The following PCDHA4 variants were observed in gnomAD, a reference collection of about 807,000 sequenced individuals.
PCDHA4 encodes the protein protocadherin alpha-4.
In PCDHA4, 49 loss-of-function variants were observed where a neutral mutation model predicts 61.4. The observed-to-expected ratio is 0.80, with a 90% confidence interval of 0.63 to 1.01. The LOEUF (loss-of-function observed/expected upper bound fraction) is 1.01, where lower values mean the gene tolerates loss of function less well. Among genes scored for constraint, PCDHA4 ranks in the 50% least tolerant of loss-of-function variants. The pLI is 0.00. For synonymous variants in PCDHA4, 590 were observed against 550.3 expected (o/e 1.07, Z -1.01); for missense variants, 1,254 against 1,235.8 (o/e 1.01, Z -0.22).
chr5:140,937,219 T>C lies in PCDHA4; in HGVS notation c.2386-41730T>C, dbSNP rs555881657. Among the ~76,000 whole-genome samples the C allele has an allele frequency of 5.4e-3, 826 of 151,832 alleles. 4 individuals are homozygous for C. Among genetic ancestry groups the C allele is most frequent in the African/African-American group, 0.019 (796 of 41,458 alleles). ...TGCCCGGCTAATTTTTTGTATTTTT[T>C]GTAGAGACGGGGTTTCACCGTGTTA... On this transcript the variant is annotated intron_variant, in intron 1 of 3. Coordinates refer to ENST00000530339, the MANE Select transcript of PCDHA4 (RefSeq NM_018907.4).
intron 1 of PCDHA4, chr5:140,809,830 G>T: frequency 2.8e-6 from 1 of 354,946 alleles, no homozygotes; most frequent in Non-Finnish European, 5.0e-6. Context: ...CACCCTCTTT[G>T]TTTTTGGTAA....
intron 1 of PCDHA4, among the ~76,000 whole-genome samples, chr5:140,971,478 A>C (rs111781444): frequency 3.5e-4 from 53 of 152,260 alleles, no homozygotes; most frequent in African/African-American, 1.3e-3. Flanking sequence ...AGAGAGTGTC[A>C]CATTGTTACA....
intron 3 of PCDHA4, among the ~76,000 whole-genome samples, chr5:140,999,676 C>T: frequency 6.6e-6 from 1 of 152,086 alleles, no homozygotes; most frequent in East Asian, 1.9e-4. Flanking sequence ...GGGGGGCTCA[C>T]AGAAAGAAGA....
chr5:140,829,868 A>G, intron 1 of PCDHA4: 1 of 1,613,886 alleles, frequency 6.2e-7, no homozygotes, highest in East Asian at 2.2e-5. Context: ...AGTGGTGGCG[A>G]AGGTGCGCGC....
Position 140,807,870 on chromosome 5 carries a change from T to TA in PCDHA4, c.684dup (p.Leu229ThrfsTer9). 1 of 1,614,150 alleles carries TA rather than the reference T, an allele frequency of 6.2e-7. No individual in the cohort carries two copies. The highest frequency in any genetic ancestry group is 8.5e-7 in the Non-Finnish European group (1 of 1,179,978). On this transcript the variant is annotated frameshift_variant, in exon 1 of 4. Transcript: ENST00000530339. LOFTEE classifies it high-confidence loss of function. ...CCCGAGTTGACTGGCACCGTTCAGT[T>TA]ACTCATCACAGTACTGGATGCCAAT... is the stretch of plus-strand genomic sequence containing the variant.
At chr5:140,952,921 A>G (rs1385762046) in intron 1 of PCDHA4, among the ~76,000 whole-genome samples, 4 of 152,138 alleles carry the variant, frequency 2.6e-5, no homozygotes, top group African/African-American at 4.8e-5. Context: ...ACATGGCATG[A>G]GCAGGAGCAG....
chr5:140,857,788 G>GCTGC, intron 1 of PCDHA4: 1 of 1,597,732 alleles, frequency 6.3e-7, no homozygotes, highest in South Asian at 1.1e-5. Flanking sequence ...GTGAGCTGGT[G>GCTGC]CTGCGGTCGG....
At chr5:140,875,888 A>G (rs782107591) in intron 1 of PCDHA4, 3 of 1,614,076 alleles carry the variant, frequency 1.9e-6, no homozygotes, top group Non-Finnish European at 2.5e-6. Context: ...AGGGAACAAA[A>G]GGTACCTGTT....
chr5:140,974,884 T>A (rs1485443373), intron 1 of PCDHA4, among the ~76,000 whole-genome samples: 1 of 152,240 alleles, frequency 6.6e-6, no homozygotes, highest in Non-Finnish European at 1.5e-5. Context: ...TATGTATCCC[T>A]TTTCTGATGA....
At chr5:140,915,826 T>G (rs1432367192) in intron 1 of PCDHA4, among the ~76,000 whole-genome samples, 1 of 152,134 alleles carries the variant, frequency 6.6e-6, no homozygotes, top group Non-Finnish European at 1.5e-5. Context: ...GCCCTAGGGC[T>G]CTAAGATCAG....
intron 3 of PCDHA4, among the ~76,000 whole-genome samples, chr5:140,992,706 G>T (rs1554253120): frequency 1.3e-5 from 2 of 152,138 alleles, no homozygotes; most frequent in Admixed American, 1.3e-4. Context: ...TAATGTTCCT[G>T]CCAGTATTCG....
chr5:140,959,102 G>A (rs556528085), intron 1 of PCDHA4, among the ~76,000 whole-genome samples: 2 of 152,214 alleles, frequency 1.3e-5, no homozygotes, highest in South Asian at 4.2e-4. Flanking sequence ...ACATTCAGCA[G>A]GGGTCCGAAG....
chr5:140,851,081 A>G, intron 1 of PCDHA4: 1 of 1,303,802 alleles, frequency 7.7e-7, no homozygotes, highest in Non-Finnish European at 1.0e-6. Flanking sequence ...TATAAACTGT[A>G]TATTAAATAG....
intron 1 of PCDHA4, among the ~76,000 whole-genome samples, chr5:140,898,794 T>G (rs1487494121): frequency 1.3e-5 from 2 of 152,236 alleles, no homozygotes; most frequent in East Asian, 3.8e-4. Flanking sequence ...ATGGCCATTT[T>G]CACGATACTG....
Position 141,007,401 on chromosome 5 carries a change from A to G in PCDHA4, c.2534-2226A>G, listed in dbSNP as rs981008239. On this transcript the variant is annotated intron_variant, in intron 3 of 3. Coordinates refer to ENST00000530339, the MANE Select transcript of PCDHA4 (RefSeq NM_018907.4). Reference sequence around the variant, plus strand: ...CACCATCTCTACTAAAATACAAAAAAAAAAAAAAAAAAAAAAATTAGCCAG... The same window carrying G: ...CACCATCTCTACTAAAATACAAAAAGAAAAAAAAAAAAAAAAATTAGCCAG... Among the ~76,000 whole-genome samples the G allele has an allele frequency of 7.4e-4, 110 of 149,582 alleles. 1 individual carries two copies. Among genetic ancestry groups the G allele is most frequent in the Non-Finnish European group, 9.7e-4 (65 of 67,302 alleles).
chr5:140,967,043 G>T (rs1477679213), intron 1 of PCDHA4: 2 of 1,611,990 alleles, frequency 1.2e-6, no homozygotes, highest in African/African-American at 2.7e-5. Context: ...CCTGGAGCTG[G>T]ACCTGACGAG....
At chr5:140,972,854 G>C (rs895738831) in intron 1 of PCDHA4, among the ~76,000 whole-genome samples, 1 of 151,946 alleles carries the variant, frequency 6.6e-6, no homozygotes, top group African/African-American at 2.4e-5. Context: ...AGTAGAGATG[G>C]GGTTTCATCA....
chr5:140,835,417 A>T (rs1554134958), intron 1 of PCDHA4: 19 of 1,613,960 alleles, frequency 1.2e-5, no homozygotes, highest in Non-Finnish European at 1.5e-5. Flanking sequence ...GATGTAAATG[A>T]CAATGCTCCA....
intron 1 of PCDHA4, chr5:140,850,688 G>C: frequency 1.3e-6 from 2 of 1,598,504 alleles, no homozygotes; most frequent in Non-Finnish European, 1.7e-6. Flanking sequence ...CCGAGGGCGA[G>C]TGCGCGCCTG....
Sources: gnomAD v4.1 joint callset for allele counts (sites outside exome capture counted in the v4.1 genomes callset) on GRCh38, gnomAD v4.1.1 for gene constraint, MANE v1.5 for transcripts, NCBI Gene and HGNC (gene_info 2026-07-23, HGNC 2026-07-21) for gene names.